STX5: variants seen among roughly 807,000 people sequenced by gnomAD.
STX5 encodes syntaxin 5, also known as syntaxin-5.
A neutral mutation model predicts 42.9 loss-of-function variants in STX5; 15 were observed. That is an observed-to-expected ratio of 0.35 (90% confidence interval 0.23 to 0.54). The LOEUF is 0.54. STX5 is among the 20% of genes least tolerant of loss of function. The pLI is 0.91. For missense variants in STX5, 430 were observed against 455.0 expected, an observed-to-expected ratio of 0.95 and a Z score of 0.50; for synonymous variants, 184 against 173.2, an observed-to-expected ratio of 1.06 and a Z score of -0.49.
In STX5 at chr11:62,830,999, T is replaced by G. The variant is rs1282770837; in HGVS notation, c.225+20A>C. 2.6e-6 allele frequency: 4 copies of G among 1,545,986 alleles called. No individual in the cohort carries two copies. The highest frequency in any genetic ancestry group is 2.0e-5 in the Admixed American group (1 of 50,972). On this transcript the variant is annotated intron_variant, in intron 2 of 10. Transcript: ENST00000294179. ...TTTGAGTAAGGCTCACTCCTCGCCT[T>G]TTCCACTCCAGGTCCTTACCTGACG...
rs1221344377 is a variant in STX5 at position 62,807,429 on chromosome 11, G to C, written c.*40C>G. 3 of 1,601,922 alleles carry C rather than the reference G, an allele frequency of 1.9e-6. No individual in the cohort carries two copies. In the African/African-American group the frequency reaches 4.0e-5, roughly 21 times the overall value. On this transcript the variant is annotated 3_prime_UTR_variant, in exon 11 of 11. Coordinates refer to ENST00000294179, the MANE Select transcript of STX5 (RefSeq NM_003164.5). ...CACTGGCCACTTGCCTTCCCAGGAG[G>C]GTCCCAAACCCCAACAGAGTGCCTC...
chr11:62,807,255 AC>A lies in STX5; in HGVS notation c.*213del. 1.6e-6 allele frequency: 1 copy of A among 629,668 alleles called. No homozygotes were observed. Among genetic ancestry groups the A allele is most frequent in the South Asian group, 2.4e-5 (1 of 41,642 alleles). The allele number at this position is 629,668 out of a possible 1,614,324, so 39.0% of individuals were successfully genotyped here. On this transcript the variant is annotated 3_prime_UTR_variant, in exon 11 of 11. Coordinates refer to ENST00000294179, the MANE Select transcript of STX5 (RefSeq NM_003164.5). ...CTTCACAGCAGAGTTCAAATCTAGA[AC>A]CCTGTGTGTTTCATAGGCCTGAGGG...
intron 10 of STX5, among the ~76,000 whole-genome samples, chr11:62,812,362 C>A (rs561712848): frequency 6.6e-6 from 1 of 152,126 alleles, no homozygotes; most frequent in South Asian, 2.1e-4. Context: ...CAGGCATGAG[C>A]CACTGCGCCT....
chr11:62,824,213 A>G lies in STX5; in HGVS notation c.861T>C (p.Phe287=), dbSNP rs780550253. Residue 287 remains phenylalanine (F), a synonymous_variant, in exon 10 of 11, where the codon TTT becomes TTC. Coordinates refer to ENST00000294179, the MANE Select transcript of STX5 (RefSeq NM_003164.5). ...ESTIVELGSI[F]QQLAHMVKEQ... ...CCTTAACCATGTGTGCCAACTGCTG[A>G]AAGATGGAGCCCAACTCAACAATTG... 4 of 1,614,212 alleles carry G rather than the reference A, an allele frequency of 2.5e-6. No individual in the cohort carries two copies. The South Asian group carries it at 4.4e-5, about 18-fold the overall frequency.
Position 62,827,196 on chromosome 11 carries a change from TATC to T in STX5, c.379_381del (p.Asp127del). 2 of 1,614,206 alleles carry T rather than the reference TATC, an allele frequency of 1.2e-6. No individual in the cohort carries two copies. The highest frequency in any genetic ancestry group is 1.7e-6 in the Non-Finnish European group (2 of 1,180,034). On this transcript the variant is annotated inframe_deletion, in exon 5 of 11. Coordinates refer to ENST00000294179, the MANE Select transcript of STX5 (RefSeq NM_003164.5). ...GTTAGCTCTTCAATTTCCACTGCTT[TATC>T]ATCAAAGAGGGACTTGCGCTTTGCC...
intron 10 of STX5, among the ~76,000 whole-genome samples, chr11:62,816,238 T>C (rs1005678421): frequency 1.3e-4 from 20 of 152,218 alleles, no homozygotes; most frequent in African/African-American, 4.8e-4. Flanking sequence ...GCTATATTAG[T>C]GTTTATTATG....
At chr11:62,814,593 T>C (rs2084653033) in intron 10 of STX5, among the ~76,000 whole-genome samples, 1 of 151,158 alleles carries the variant, frequency 6.6e-6, no homozygotes, top group Non-Finnish European at 1.5e-5. Flanking sequence ...TGCCAAATAG[T>C]TGGGATTACA....
rs764330274 is a variant in STX5, at chr11:62,827,226, C to T, written c.353-1G>A. 1.2e-6 allele frequency: 2 copies of T among 1,614,050 alleles called. No homozygotes were observed. The stretch of plus-strand genomic sequence containing the variant: ...TCAAAGAGGGACTTGCGCTTTGCCA[C>T]TACAGAGACAAACAAGAAGCCACAA... On this transcript the variant is annotated splice_acceptor_variant, in intron 4 of 10. Transcript: ENST00000294179. LOFTEE classifies it high-confidence loss of function.
intron 10 of STX5, among the ~76,000 whole-genome samples, chr11:62,809,781 G>T (rs928083393): frequency 4.1e-5 from 6 of 147,772 alleles, no homozygotes; most frequent in African/African-American, 1.5e-4. Context: ...CATGAAATTT[G>T]CACCTACTTT....
chr11:62,831,391 A>G, intron 1 of STX5, 129 bp from the exon 2 acceptor site: 1 of 737,622 alleles, frequency 1.4e-6, no homozygotes, highest in South Asian at 1.5e-5. Flanking sequence ...GGACGCTCGC[A>G]AATCCTGGGG....
intron 2 of STX5, 78 bp downstream of exon 2, chr11:62,830,941 G>T: frequency 7.5e-7 from 1 of 1,331,230 alleles, no homozygotes; most frequent in Non-Finnish European, 1.1e-6. Context: ...AAATTACTTC[G>T]GTTAACAGTG....
At chr11:62,810,098 C>T (rs11231229) in intron 10 of STX5, among the ~76,000 whole-genome samples, 9,244 of 100,338 alleles carry the variant, frequency 0.092, 343 homozygotes, top group East Asian at 0.19. Flanking sequence ...AGCAAGACTC[C>T]ATCTCAAAAA....
rs552465034 is a variant in STX5, at chr11:62,812,865, C to T, written c.909-5237G>A. ...CGGTGGCTCACGCCTGTAATCCCAG[C>T]ACTTTGGGAGGCCGAGGTGGGCGGA... is the stretch of plus-strand genomic sequence containing the variant. On this transcript the variant is annotated intron_variant, in intron 10 of 10. Coordinates refer to ENST00000294179, the MANE Select transcript of STX5 (RefSeq NM_003164.5). Among the ~76,000 whole-genome samples, 6 of 151,850 alleles carry T rather than the reference C, an allele frequency of 4.0e-5. No homozygotes were observed. The East Asian group carries it at 9.8e-4, about 25-fold the overall frequency.
intron 10 of STX5, among the ~76,000 whole-genome samples, chr11:62,812,675 C>T (rs1030827292): frequency 5.9e-5 from 9 of 151,734 alleles, no homozygotes; most frequent in Non-Finnish European, 1.2e-4. Flanking sequence ...GCCTGTCTCG[C>T]CTCCCAAAGA....
At chr11:62,822,400 G>A (rs1018800837) in intron 10 of STX5, among the ~76,000 whole-genome samples, 1 of 152,146 alleles carries the variant, frequency 6.6e-6, no homozygotes, top group Non-Finnish European at 1.5e-5. Flanking sequence ...GGCTCCCTAT[G>A]TCACTCAGAG....
At chr11:62,816,836 A>C (rs1219564296) in intron 10 of STX5, among the ~76,000 whole-genome samples, 1 of 150,364 alleles carries the variant, frequency 6.7e-6, no homozygotes, top group East Asian at 2.0e-4. Context: ...CGAAGGTTGC[A>C]GTGAGCCGAG....
rs955527538 is a variant in STX5 at position 62,824,493 on chromosome 11, C to T, written c.752G>A (p.Arg251Gln). ...KDVAIDMMDS[R>Q]TSQQLQLIDE... ...AATGAGCTGCAGCTGCTGGCTGGTC[C>T]GAGAGTCCATCATGTCGATGGCGAC... The change falls in exon 9 of 11, where the codon CGG becomes CAG. Residue 251 changes from arginine (R) to glutamine (Q), a missense_variant. By Grantham distance (43) the Arg-to-Gln change is conservative. Coordinates refer to ENST00000294179, the MANE Select transcript of STX5 (RefSeq NM_003164.5). The T allele has an allele frequency of 8.7e-6, 14 of 1,614,148 alleles. No individual in the cohort carries two copies. Among genetic ancestry groups the T allele is most frequent in the East Asian group, 4.5e-5 (2 of 44,874 alleles).
intron 10 of STX5, among the ~76,000 whole-genome samples, chr11:62,815,534 G>GTT (rs1232989244): frequency 3.3e-4 from 48 of 143,714 alleles, no homozygotes; most frequent in African/African-American, 1.1e-3. Context: ...TAACGGCGTG[G>GTT]TTTTTTTTTT....
rs1376935770 is a variant in STX5, at chr11:62,831,956, C to A, written c.-22G>T. The A allele has an allele frequency of 2.2e-6, 1 of 460,430 alleles. No homozygotes were observed. The highest frequency in any genetic ancestry group is 4.3e-6 in the Non-Finnish European group (1 of 230,032). 28.5% of individuals were successfully genotyped at this position (460,430 alleles called of 1,614,324 possible). A position where few individuals can be genotyped will look rare whatever the true frequency, so the allele number is the denominator to read the frequency against. On this transcript the variant is annotated splice_region_variant and 5_prime_UTR_variant, in exon 1 of 11. Transcript: ENST00000294179. ...TCCCCTCTTAAAGCGAATCTTACCT[C>A]CCCTCTGCCGCCTGCCGCCGCCGCC... is the stretch of plus-strand genomic sequence containing the variant.
Sources: gnomAD v4.1 joint callset for allele counts (sites outside exome capture counted in the v4.1 genomes callset) on GRCh38, gnomAD v4.1.1 for gene constraint, MANE v1.5 for transcripts, NCBI Gene and HGNC (gene_info 2026-07-23, HGNC 2026-07-21) for gene names.